Variants in CD44 observed in about 807,000 individuals in gnomAD.
CD44 encodes CD44 molecule (IN blood group).
In CD44, 49 loss-of-function variants were observed where a neutral mutation model predicts 88.8. The ratio of observed to expected loss-of-function variants is 0.55; its 90% CI spans 0.44 to 0.70. CD44 has a LOEUF of 0.70. Among genes scored for constraint, CD44 ranks in the 30% least tolerant of loss-of-function variants. The pLI, the probability that CD44 is intolerant of heterozygous loss-of-function variation, is 0.00. For missense variants in CD44, 883 were observed against 913.8 expected (o/e 0.97, Z 0.43); for synonymous variants, 325 against 312.3 (o/e 1.04, Z -0.43).
chr11:35,184,327 A>G (rs1386395841), intron 3 of CD44, among the ~76,000 whole-genome samples: 1 of 152,194 alleles, frequency 6.6e-6, no homozygotes, highest in Non-Finnish European at 1.5e-5. Flanking sequence ...TTGTGACATC[A>G]TGCTCCATTC....
At chr11:35,174,756 A>C (rs754306138) in intron 1 of CD44, among the ~76,000 whole-genome samples, 1 of 152,228 alleles carries the variant, frequency 6.6e-6, no homozygotes, top group Non-Finnish European at 1.5e-5. Context: ...TTGGTCTGCC[A>C]ATATATTAAA....
In CD44 at chr11:35,231,802, C is replaced by A. The variant is rs1487722849; in HGVS notation, c.*2469C>A. On this transcript the variant is annotated 3_prime_UTR_variant, in exon 18 of 18. Transcript: ENST00000428726. The stretch of plus-strand genomic sequence containing the variant: ...GGTCTTTATAAAAGTAAAAGGCCAA[C>A]ATTTAATTATTTTGCAAAGCAACCT... 1 of 152,180 alleles carries A rather than the reference C, an allele frequency of 6.6e-6. No individual in the cohort carries two copies. Among genetic ancestry groups the A allele is most frequent in the Non-Finnish European group, 1.5e-5 (1 of 68,014 alleles). The allele number at this position is 152,180 out of a possible 1,614,324, so 9.4% of individuals were successfully genotyped here.
intron 9 of CD44, among the ~76,000 whole-genome samples, chr11:35,203,293 G>A (rs1377255695): frequency 1.1e-5 from 1 of 94,330 alleles, no homozygotes; most frequent in Admixed American, 1.0e-4. Flanking sequence ...TATAAAATTA[G>A]TGATAGAAGG....
Position 35,229,607 on chromosome 11 carries a change from T to C in CD44, c.*274T>C, listed in dbSNP as rs1050267891. 1 of 439,742 alleles carries C rather than the reference T, an allele frequency of 2.3e-6. No individual in the cohort carries two copies. The allele number at this position is 439,742 out of a possible 1,614,324, so 27.2% of individuals were successfully genotyped here. On this transcript the variant is annotated 3_prime_UTR_variant, in exon 18 of 18. Transcript: ENST00000428726. ...ACTTGGAGGCCTTTCATCCCTCGGG[T>C]GTGCTATGGATGGCTTCTAACAAAA...
chr11:35,183,283 T>C (rs943621807), intron 3 of CD44, among the ~76,000 whole-genome samples: 1 of 151,066 alleles, frequency 6.6e-6, no homozygotes, highest in Non-Finnish European at 1.5e-5. Flanking sequence ...AAGAAAGAAC[T>C]GGAGGCTACA....
intron 17 of CD44, among the ~76,000 whole-genome samples, chr11:35,225,623 C>T (rs149589235): frequency 5.1e-4 from 77 of 152,132 alleles, no homozygotes; most frequent in Middle Eastern, 3.4e-3. Flanking sequence ...TTGAGACCAG[C>T]GTGGCCAACA....
chr11:35,221,690 CT>C lies in CD44; in HGVS notation c.1985del (p.Leu662Ter). On this transcript the variant is annotated frameshift_variant, in exon 17 of 18. Coordinates refer to ENST00000428726, the MANE Select transcript of CD44 (RefSeq NM_000610.4). LOFTEE classifies it high-confidence loss of function. ...LIILASLLAL[A>X]LILAVCIAVN... ...ATCTTGGCATCCCTCTTGGCCTTGG[CT>C]TTGATTCTTGCAGTTTGCATTGCAG... The C allele has an allele frequency of 6.2e-7, 1 of 1,614,118 alleles. No homozygotes were observed. The highest frequency in any genetic ancestry group is 8.5e-7 in the Non-Finnish European group (1 of 1,179,950).
At chr11:35,222,504 C>T (rs1949385397) in intron 17 of CD44, 5 of 1,166,558 alleles carry the variant, frequency 4.3e-6, no homozygotes, top group Non-Finnish European at 5.4e-6. Context: ...CTCGCTAGAA[C>T]TGACACATGG....
At chr11:35,151,963 C>T (rs1230728177) in intron 1 of CD44, among the ~76,000 whole-genome samples, 1 of 152,210 alleles carries the variant, frequency 6.6e-6, no homozygotes, top group African/African-American at 2.4e-5. Flanking sequence ...CCCTTCTTCC[C>T]ATCAGTTTCT....
Position 35,171,234 on chromosome 11 carries a change from A to T in CD44, c.68-5341A>T, listed in dbSNP as rs535967599. On this transcript the variant is annotated intron_variant, in intron 1 of 17. Transcript: ENST00000428726. ...GTTTGAATGACACACAGCCTTGAAA[A>T]TGTTGGCTCCTTTTAAGTCAAGAGG... Among the ~76,000 whole-genome samples the T allele has an allele frequency of 5.9e-5, 9 of 152,308 alleles. No individual in the cohort carries two copies. In the South Asian group the frequency reaches 1.7e-3, roughly 28 times the overall value.
intron 16 of CD44, among the ~76,000 whole-genome samples, chr11:35,220,526 C>T (rs1565157605): frequency 6.6e-6 from 1 of 152,060 alleles, no homozygotes. Flanking sequence ...TTTCTCAAGC[C>T]CTGGTTCATT....
At chr11:35,153,642 A>G (rs1390708051) in intron 1 of CD44, among the ~76,000 whole-genome samples, 4 of 152,224 alleles carry the variant, frequency 2.6e-5, no homozygotes, top group Non-Finnish European at 4.4e-5. Flanking sequence ...CTCTCCTGGA[A>G]CTTACAGTCT....
chr11:35,166,053 A>C (rs1383045137), intron 1 of CD44, among the ~76,000 whole-genome samples: 1 of 152,250 alleles, frequency 6.6e-6, no homozygotes, highest in Non-Finnish European at 1.5e-5. Context: ...ATACAATGAC[A>C]AAACCAAGTG....
intron 7 of CD44, 152 bp from the exon 8 acceptor site, chr11:35,200,930 C>T: frequency 1.5e-6 from 1 of 666,970 alleles, no homozygotes; most frequent in Non-Finnish European, 2.7e-6. Context: ...TGAAGTCACC[C>T]TCCGCTTTCC....
chr11:35,210,413 C>T (rs1488182801), intron 13 of CD44: 1 of 154,280 alleles, frequency 6.5e-6, no homozygotes, highest in Non-Finnish European at 1.4e-5. Flanking sequence ...CTATAAATTT[C>T]CCTCTTACTA....
intron 11 of CD44, among the ~76,000 whole-genome samples, chr11:35,207,710 G>T (rs1314941707): frequency 6.6e-6 from 1 of 152,134 alleles, no homozygotes; most frequent in Non-Finnish European, 1.5e-5. Flanking sequence ...CCTTTGGTTG[G>T]TAAGGGGGAG....
Position 35,143,484 on chromosome 11 carries a change from G to A in CD44, c.67+4114G>A, listed in dbSNP as rs73453638. 6.0e-3 allele frequency among the ~76,000 whole-genome samples: 913 copies of A among 152,080 alleles called. 7 individuals carry two copies. Among genetic ancestry groups the A allele is most frequent in the African/African-American group, 0.021 (864 of 41,444 alleles). On this transcript the variant is annotated intron_variant, in intron 1 of 17. Transcript: ENST00000428726. ...TCTAGATAAAGAGATCGAGACTTGT[G>A]GAGATGGCATGACTTGCCCCAGGAT...
intron 1 of CD44, among the ~76,000 whole-genome samples, chr11:35,171,066 G>C (rs1213606084): frequency 1.3e-5 from 2 of 152,170 alleles, no homozygotes; most frequent in Non-Finnish European, 2.9e-5. Context: ...GCCTAAAATA[G>C]AGCCTGGCAT....
intron 1 of CD44, among the ~76,000 whole-genome samples, chr11:35,166,974 G>C (rs1943345538): frequency 6.6e-6 from 1 of 152,238 alleles, no homozygotes; most frequent in African/African-American, 2.4e-5. Flanking sequence ...CCATCACATG[G>C]GCATCAGGAG....
Sources: gnomAD v4.1 joint callset for allele counts (sites outside exome capture counted in the v4.1 genomes callset) on GRCh38, gnomAD v4.1.1 for gene constraint, MANE v1.5 for transcripts, NCBI Gene and HGNC (gene_info 2026-07-23, HGNC 2026-07-21) for gene names.